HOMER1: variants seen among roughly 807,000 people sequenced by gnomAD.
HOMER1 encodes homer protein homolog 1.
HOMER1 carries 3 observed loss-of-function variants against 48.9 expected under a neutral mutation model. The observed-to-expected ratio is 0.06, with a 90% CI of 0.03 to 0.16. The LOEUF (loss-of-function observed/expected upper bound fraction) is 0.16, where lower values mean the gene tolerates loss of function less well. Ranked by LOEUF, HOMER1 falls within the 10% of genes least tolerant of loss-of-function variation. The pLI is 1.00. For missense variants in HOMER1, 247 were observed against 411.4 expected, an observed-to-expected ratio of 0.60 and a Z score of 3.46; for synonymous variants, 134 against 146.4, an observed-to-expected ratio of 0.92 and a Z score of 0.61.
At position 79,453,974 on chromosome 5, in the gene HOMER1, G is replaced by A. The variant is rs567752930; in HGVS notation, c.163-2853C>T. Among the ~76,000 whole-genome samples the A allele has an allele frequency of 2.1e-3, 314 of 152,154 alleles. 2 individuals are homozygous for A. The highest frequency in any genetic ancestry group is 3.5e-3 in the Non-Finnish European group (240 of 67,986). ...AGTTTAGAAAAGTAATTAGAAAATG[G>A]AAAATGTGATAGAAAATATAACTCT... On this transcript the variant is annotated intron_variant, in intron 2 of 8. Coordinates refer to ENST00000334082, the MANE Select transcript of HOMER1 (RefSeq NM_004272.5).
At chr5:79,434,765 T>C (rs1260835449) in intron 5 of HOMER1, among the ~76,000 whole-genome samples, 3 of 152,174 alleles carry the variant, frequency 2.0e-5, no homozygotes, top group Non-Finnish European at 2.9e-5. Flanking sequence ...TACAGTACTA[T>C]AGCACTTGAC....
intron 5 of HOMER1, among the ~76,000 whole-genome samples, chr5:79,409,263 T>C (rs1334665809): frequency 6.6e-6 from 1 of 150,960 alleles, no homozygotes. Flanking sequence ...TGAAACCCTA[T>C]CTCTACTAAA....
At chr5:79,492,499 G>GA (rs112668228) in intron 1 of HOMER1, among the ~76,000 whole-genome samples, 21,513 of 148,038 alleles carry the variant, frequency 0.15, 2,853 homozygotes, top group African/African-American at 0.35. Flanking sequence ...ATGAAAGAAG[G>GA]AAAAAAAAAA....
intron 5 of HOMER1, among the ~76,000 whole-genome samples, chr5:79,436,055 A>G (rs1330870549): frequency 1.3e-5 from 2 of 149,370 alleles, no homozygotes; most frequent in African/African-American, 2.5e-5. Context: ...GAACCCGGGA[A>G]GCGGAGCTTG....
chr5:79,509,786 A>C (rs186400120), intron 1 of HOMER1, among the ~76,000 whole-genome samples: 6 of 152,320 alleles, frequency 3.9e-5, no homozygotes, highest in Admixed American at 1.3e-4. Flanking sequence ...GATTTTATTA[A>C]AAATAATTCC....
rs117460323 is a variant in HOMER1 at position 79,418,468 on chromosome 5, C to T, written c.528-16413G>A. Among the ~76,000 whole-genome samples, 22 of 149,076 alleles carry T rather than the reference C, an allele frequency of 1.5e-4. No individual in the cohort carries two copies. In the East Asian group the frequency reaches 4.5e-3, roughly 31 times the overall value. ...CCACTTTAGCTACAGAAAAACAACACGACAGAAATCCCTTTCAGCGGACAT... is the reference window on the plus strand; with the variant it reads ...CCACTTTAGCTACAGAAAAACAACATGACAGAAATCCCTTTCAGCGGACAT... On this transcript the variant is annotated intron_variant, in intron 5 of 8. Coordinates refer to ENST00000334082, the MANE Select transcript of HOMER1 (RefSeq NM_004272.5).
intron 5 of HOMER1, among the ~76,000 whole-genome samples, chr5:79,418,292 T>C (rs1383375103): frequency 6.6e-6 from 1 of 152,226 alleles, no homozygotes; most frequent in Non-Finnish European, 1.5e-5. Flanking sequence ...CCACTACTGA[T>C]TGCGCAGCTA....
At chr5:79,455,808 A>G (rs1751159961) in intron 2 of HOMER1, among the ~76,000 whole-genome samples, 1 of 152,082 alleles carries the variant, frequency 6.6e-6, no homozygotes, top group Admixed American at 6.6e-5. Flanking sequence ...TTAGAGTCTG[A>G]TTTTTCTTTG....
chr5:79,427,742 TCCTTCCTTC>T (rs1354987683), intron 5 of HOMER1, among the ~76,000 whole-genome samples: 3 of 133,720 alleles, frequency 2.2e-5, no homozygotes, highest in Admixed American at 7.5e-5. Context: ...TTCCTTCCTT[TCCTTCCTTC>T]CTTTCCTTCC....
At chr5:79,434,464 G>C (rs1275794812) in intron 5 of HOMER1, among the ~76,000 whole-genome samples, 1 of 151,938 alleles carries the variant, frequency 6.6e-6, no homozygotes, top group Non-Finnish European at 1.5e-5. Context: ...TTAGTATATA[G>C]CTACTTTACT....
At chr5:79,410,649 T>C (rs1749792908) in intron 5 of HOMER1, among the ~76,000 whole-genome samples, 1 of 152,040 alleles carries the variant, frequency 6.6e-6, no homozygotes, top group Non-Finnish European at 1.5e-5. Flanking sequence ...CTTCAACTTA[T>C]AATAAATTCC....
intron 1 of HOMER1, among the ~76,000 whole-genome samples, chr5:79,505,682 G>A (rs1236670424): frequency 1.3e-5 from 2 of 152,048 alleles, no homozygotes; most frequent in African/African-American, 2.4e-5. Context: ...AAGAGATAAA[G>A]GTGATTTTTT....
chr5:79,505,326 A>G (rs763235534), intron 1 of HOMER1, among the ~76,000 whole-genome samples: 1 of 152,238 alleles, frequency 6.6e-6, no homozygotes, highest in Non-Finnish European at 1.5e-5. Context: ...GGGGGGAATC[A>G]TGGACATTCT....
chr5:79,504,858 C>T (rs754652872), intron 1 of HOMER1, among the ~76,000 whole-genome samples: 4 of 152,126 alleles, frequency 2.6e-5, no homozygotes, highest in Non-Finnish European at 5.9e-5. Context: ...CACTAATTCC[C>T]CCAAATCCTT....
At chr5:79,393,970 A>G (rs1372969105) in intron 8 of HOMER1, among the ~76,000 whole-genome samples, 1 of 152,194 alleles carries the variant, frequency 6.6e-6, no homozygotes, top group East Asian at 1.9e-4. Context: ...TTGCCTTAAG[A>G]TGACAGGATT....
At chr5:79,508,114 G>A (rs1338343985) in intron 1 of HOMER1, among the ~76,000 whole-genome samples, 1 of 152,288 alleles carries the variant, frequency 6.6e-6, no homozygotes, top group Middle Eastern at 3.4e-3. Context: ...AATTGTAAAT[G>A]ATTTTTAAAA....
chr5:79,411,672 G>A (rs955603045), intron 5 of HOMER1, among the ~76,000 whole-genome samples: 13 of 152,330 alleles, frequency 8.5e-5, no homozygotes, highest in African/African-American at 2.9e-4. Context: ...GTCACTTGCA[G>A]AGTCTAAGAA....
intron 8 of HOMER1, among the ~76,000 whole-genome samples, chr5:79,395,142 A>T (rs1280971315): frequency 6.6e-6 from 1 of 152,190 alleles, no homozygotes; most frequent in East Asian, 1.9e-4. Context: ...CTTCTCTTTG[A>T]AAATGGGGAT....
At chr5:79,411,701 C>T (rs1749818407) in intron 5 of HOMER1, among the ~76,000 whole-genome samples, 1 of 152,180 alleles carries the variant, frequency 6.6e-6, no homozygotes, top group Non-Finnish European at 1.5e-5. Flanking sequence ...CTCTCCCATT[C>T]CTCCAGGGCC....
Sources: allele counts gnomAD v4.1 joint callset (sites outside exome capture counted in the v4.1 genomes callset), GRCh38; gene constraint gnomAD v4.1.1; transcripts MANE v1.5; gene names NCBI Gene and HGNC (gene_info 2026-07-23, HGNC 2026-07-21).